Variants in NRXN1 observed in about 807,000 individuals in gnomAD.
The protein encoded by NRXN1 is neurexin-1.
Under a neutral mutation model 150.9 loss-of-function variants are expected in NRXN1, and 39 were observed. The ratio of observed to expected loss-of-function variants is 0.26; its 90% confidence interval spans 0.20 to 0.34. NRXN1 has a LOEUF of 0.34. Among genes scored for constraint, NRXN1 ranks in the 10% least tolerant of loss-of-function variants. NRXN1 has a pLI of 1.00. For missense variants in NRXN1, 1,815 were observed against 1,949.9 expected (o/e 0.93, Z 1.30); for synonymous variants, 924 against 757.0 (o/e 1.22, Z -3.62).
At chr2:50,055,971 T>C (rs1693539471) in intron 19 of NRXN1, among the ~76,000 whole-genome samples, 1 of 152,084 alleles carries the variant, frequency 6.6e-6, no homozygotes, top group Admixed American at 6.6e-5. Context: ...ACCTTGAATA[T>C]TGCTTGCAAA....
chr2:50,535,379 T>C (rs2093229122), intron 10 of NRXN1, among the ~76,000 whole-genome samples: 1 of 152,248 alleles, frequency 6.6e-6, no homozygotes, highest in Non-Finnish European at 1.5e-5. Flanking sequence ...CATTATTCTT[T>C]GTTGCAGTCT....
At chr2:50,235,441 T>C (rs536906385) in intron 18 of NRXN1, among the ~76,000 whole-genome samples, 9 of 152,096 alleles carry the variant, frequency 5.9e-5, no homozygotes, top group Non-Finnish European at 1.3e-4. Context: ...AGGGGTTTTG[T>C]TGTGTTTTTC....
At chr2:50,190,164 A>G (rs182541802) in intron 18 of NRXN1, among the ~76,000 whole-genome samples, 151 of 152,308 alleles carry the variant, frequency 9.9e-4, no homozygotes, top group African/African-American at 3.4e-3. Context: ...GGTAAATATC[A>G]TAAGTTATTA....
chr2:50,317,907 A>G (rs2075739283), intron 17 of NRXN1, among the ~76,000 whole-genome samples: 1 of 152,070 alleles, frequency 6.6e-6, no homozygotes, highest in Non-Finnish European at 1.5e-5. Flanking sequence ...TTCATGTTTT[A>G]TATTTAATGA....
At chr2:50,524,248 G>A (rs2092879665) in intron 12 of NRXN1, among the ~76,000 whole-genome samples, 1 of 152,098 alleles carries the variant, frequency 6.6e-6, no homozygotes, top group African/African-American at 2.4e-5. Flanking sequence ...GGAGGCCAAG[G>A]CAGACAGATC....
chr2:50,737,194 T>C (rs11125325), intron 5 of NRXN1, among the ~76,000 whole-genome samples: 54,066 of 151,726 alleles, frequency 0.36, 9,841 homozygotes, highest in African/African-American at 0.42. Flanking sequence ...AAACTCCATT[T>C]CAAAAAAAAA....
intron 17 of NRXN1, among the ~76,000 whole-genome samples, chr2:50,400,852 T>C (rs948376846): frequency 2.6e-5 from 4 of 152,148 alleles, no homozygotes; most frequent in Non-Finnish European, 4.4e-5. Context: ...GTTTAAGAAA[T>C]ATACAGTTGA....
At chr2:50,032,228 A>C (rs1434156814) in intron 21 of NRXN1, among the ~76,000 whole-genome samples, 1 of 152,050 alleles carries the variant, frequency 6.6e-6, no homozygotes, top group African/African-American at 2.4e-5. Context: ...ATTCACTCGT[A>C]ATAAATATTT....
chr2:50,959,619 T>C (rs1042665671), intron 2 of NRXN1, among the ~76,000 whole-genome samples: 1 of 151,960 alleles, frequency 6.6e-6, no homozygotes. Context: ...GGACTATAAA[T>C]GGTTGTGGGT....
At chr2:50,349,159 T>C (rs1371247476) in intron 17 of NRXN1, among the ~76,000 whole-genome samples, 1 of 152,190 alleles carries the variant, frequency 6.6e-6, no homozygotes, top group African/African-American at 2.4e-5. Context: ...GTTTATTTTA[T>C]GATACTAAAA....
At chr2:50,443,203 T>C (rs1248904709) in intron 17 of NRXN1, among the ~76,000 whole-genome samples, 1 of 152,164 alleles carries the variant, frequency 6.6e-6, no homozygotes, top group Non-Finnish European at 1.5e-5. Context: ...TTAAATAATA[T>C]TGACAATTCA....
At chr2:50,144,150 G>C (rs1410744828) in intron 18 of NRXN1, among the ~76,000 whole-genome samples, 1 of 151,822 alleles carries the variant, frequency 6.6e-6, no homozygotes, top group East Asian at 1.9e-4. Flanking sequence ...CTAATGAAGA[G>C]GCTCAGCCCA....
At chr2:50,839,633 A>C (rs193220186) in intron 5 of NRXN1, among the ~76,000 whole-genome samples, 1 of 152,276 alleles carries the variant, frequency 6.6e-6, no homozygotes, top group East Asian at 1.9e-4. Context: ...TAAAGGATGA[A>C]TAATACATCA....
At chr2:50,506,751 G>T in intron 12 of NRXN1, 134 bp from the exon 13 acceptor site, 1 of 896,170 alleles carries the variant, frequency 1.1e-6, no homozygotes, top group Non-Finnish European at 1.6e-6. Context: ...GGAAGAAAGA[G>T]AGAGAGGAGG....
chr2:49,997,340 T>C (rs908441438), intron 21 of NRXN1, among the ~76,000 whole-genome samples: 1 of 152,160 alleles, frequency 6.6e-6, no homozygotes, highest in Admixed American at 6.6e-5. Context: ...AATCAGGGTA[T>C]TTTGACATAG....
chr2:50,982,786 A>G (rs574707442), intron 2 of NRXN1, among the ~76,000 whole-genome samples: 2 of 152,066 alleles, frequency 1.3e-5, no homozygotes, highest in Non-Finnish European at 2.9e-5. Flanking sequence ...ATGTGCACCT[A>G]ATACTAATTT....
At chr2:49,940,419 T>C (rs1216691174) in intron 22 of NRXN1, among the ~76,000 whole-genome samples, 3 of 152,212 alleles carry the variant, frequency 2.0e-5, no homozygotes, top group African/African-American at 7.2e-5. Flanking sequence ...CAGCAGCAGC[T>C]ACAATTATTG....
At chr2:50,669,935 G>A (rs1274623613) in intron 5 of NRXN1, among the ~76,000 whole-genome samples, 1 of 151,718 alleles carries the variant, frequency 6.6e-6, no homozygotes, top group Non-Finnish European at 1.5e-5. Context: ...AAAGGCTACT[G>A]CTAGCATAAT....
intron 2 of NRXN1, among the ~76,000 whole-genome samples, chr2:51,008,204 A>T (rs914642544): frequency 1.3e-5 from 2 of 152,024 alleles, no homozygotes; most frequent in South Asian, 2.1e-4. Flanking sequence ...ATTAAACCCA[A>T]GCAGTGCTCC....
Sources: allele counts gnomAD v4.1 joint callset (sites outside exome capture counted in the v4.1 genomes callset), GRCh38; gene constraint gnomAD v4.1.1; transcripts MANE v1.5; gene names NCBI Gene and HGNC (gene_info 2026-07-23, HGNC 2026-07-21).